Variants in SPOCD1 observed in about 807,000 individuals in gnomAD.
SPOCD1 encodes SPOC domain-containing protein 1.
In SPOCD1, 64 loss-of-function variants were observed where a neutral mutation model predicts 92.2. That is an observed-to-expected ratio of 0.69 (90% CI 0.57 to 0.86). The LOEUF (loss-of-function observed/expected upper bound fraction) is 0.86. SPOCD1 is among the 40% of genes least tolerant of loss of function. The pLI, the probability that SPOCD1 is intolerant of heterozygous loss-of-function variation, is 0.00. For missense variants in SPOCD1, 1,360 were observed against 1,543.1 expected (o/e 0.88, Z 1.99); for synonymous variants, 578 against 619.3 (o/e 0.93, Z 0.99).
At chr1:31,808,256 C>G (rs1648969651) in intron 2 of SPOCD1, among the ~76,000 whole-genome samples, 1 of 151,164 alleles carries the variant, frequency 6.6e-6, no homozygotes, top group Non-Finnish European at 1.5e-5. Context: ...ATTGAATTCA[C>G]AAAATACGAA....
At chr1:31,805,900 G>T (rs1408838658) in intron 2 of SPOCD1, among the ~76,000 whole-genome samples, 2 of 151,882 alleles carry the variant, frequency 1.3e-5, no homozygotes, top group Non-Finnish European at 2.9e-5. Flanking sequence ...TATGCAAAAA[G>T]GTTAAAATAA....
rs561056259 is a variant in SPOCD1 at position 31,799,887 on chromosome 1, G to A, written c.1729-24C>T. 487 of 1,614,144 alleles carry A rather than the reference G, an allele frequency of 3.0e-4. 5 individuals carry two copies. In the South Asian group the frequency reaches 5.1e-3, roughly 17 times the overall value. On this transcript the variant is annotated intron_variant, in intron 5 of 15. Coordinates refer to ENST00000360482, the MANE Select transcript of SPOCD1 (RefSeq NM_144569.7). ...CTCTGTAGGGGAGGCGTGAGGAATT[G>A]AGGCTGTGCTGGTGGGCCTGGCTTC...
chr1:31,796,071 A>G, intron 10 of SPOCD1: 15 of 209,984 alleles, frequency 7.1e-5, no homozygotes, highest in South Asian at 3.9e-4. Context: ...GCAGATCCTC[A>G]GCGCCAAGAG....
At chr1:31,813,767 G>A (rs1255666787) in intron 2 of SPOCD1, among the ~76,000 whole-genome samples, 184 bp downstream of exon 2, 1 of 152,218 alleles carries the variant, frequency 6.6e-6, no homozygotes, top group Non-Finnish European at 1.5e-5. Context: ...CAAGGATTCA[G>A]CGAATGTAGT....
chr1:31,797,624 C>T (rs1648116715), intron 9 of SPOCD1, among the ~76,000 whole-genome samples: 1 of 152,212 alleles, frequency 6.6e-6, no homozygotes, highest in African/African-American at 2.4e-5. Flanking sequence ...TCGCCCCATC[C>T]CAGTGGCCTC....
rs1264706133 is a variant in SPOCD1, at chr1:31,815,132, C to T, written c.202G>A (p.Gly68Ser). The change falls in exon 2 of 16, where the codon GGC becomes AGC. Residue 68 changes from glycine (G) to serine (S), a missense_variant. Transcript: ENST00000360482. ...GCAGCACCTGCAGCCCGGGAGCTGC[C>T]ACCTCGAAGGGCCTCCTTCCTGGGG... ...KIPRKEALRGGSSRAAGAAEV... is the reference protein window; with the variant it reads ...KIPRKEALRGSSSRAAGAAEV... The T allele has an allele frequency of 6.2e-7, 1 of 1,608,858 alleles. No homozygotes were observed. The highest frequency in any genetic ancestry group is 1.1e-5 in the South Asian group (1 of 91,000).
intron 2 of SPOCD1, among the ~76,000 whole-genome samples, chr1:31,808,195 TCA>T (rs1648965549): frequency 6.6e-6 from 1 of 152,024 alleles, no homozygotes; most frequent in Non-Finnish European, 1.5e-5. Flanking sequence ...ATAGAACAAA[TCA>T]TTTCAGGCCA....
chr1:31,792,324 A>C lies in SPOCD1; in HGVS notation c.2853T>G (p.Asn951Lys), dbSNP rs751080434. 1 of 1,613,986 alleles carries C rather than the reference A, an allele frequency of 6.2e-7. No homozygotes were observed. Among genetic ancestry groups the C allele is most frequent in the South Asian group, 1.1e-5 (1 of 91,060 alleles). ...AGGCCAGCCCGTGGCGCTGCCTATC[A>C]TTGAGGTATGAGTAGAGCAGGCGGC... ...QNCRLLYSYLNDRQRHGLASV... is the reference protein window; with the variant it reads ...QNCRLLYSYLKDRQRHGLASV... The change falls in exon 15 of 16, where the codon AAT (asparagine) becomes AAG (lysine). Residue 951 changes from asparagine (N) to lysine (K), a missense_variant. Coordinates refer to ENST00000360482, the MANE Select transcript of SPOCD1 (RefSeq NM_144569.7).
At chr1:31,793,035 G>A (rs78851326) in intron 13 of SPOCD1, among the ~76,000 whole-genome samples, 4,899 of 152,252 alleles carry the variant, frequency 0.032, 93 homozygotes, top group Middle Eastern at 0.048. Flanking sequence ...GTCACTCAAC[G>A]ATCACTCCTA....
rs1648226536 is a variant in SPOCD1 at position 31,798,922 on chromosome 1, G to A, written c.1869-321C>T. On this transcript the variant is annotated intron_variant, in intron 7 of 15. Transcript: ENST00000360482. This position sits in a 1 kb window ranked among gnomAD's most constrained non-coding sequence, Gnocchi z 4.1. ...GCCCCGTCTCTGGCTCACGGGATGTGTGGAGGGGAGGAAGCCGGGGTCAGG... is the reference window on the plus strand; with the variant it reads ...GCCCCGTCTCTGGCTCACGGGATGTATGGAGGGGAGGAAGCCGGGGTCAGG... 2 of 562,078 alleles carry A rather than the reference G, an allele frequency of 3.6e-6. No individual in the cohort carries two copies. The highest frequency in any genetic ancestry group is 3.8e-5 in the African/African-American group (2 of 52,968). The allele number at this position is 562,078 out of a possible 1,614,324, so 34.8% of individuals were successfully genotyped here. A position where few individuals can be genotyped will look rare whatever the true frequency, so the allele number is the denominator to read the frequency against.
At chr1:31,799,681 G>T in intron 6 of SPOCD1, 128 bp downstream of exon 6, 1 of 1,274,952 alleles carries the variant, frequency 7.8e-7, no homozygotes, top group Non-Finnish European at 1.1e-6. Context: ...TTGGGGAGGA[G>T]CTATAGGCTG....
At chr1:31,792,476 A>T in intron 14 of SPOCD1, 75 bp from the exon 15 acceptor site, 1 of 1,450,104 alleles carries the variant, frequency 6.9e-7, no homozygotes, top group Non-Finnish European at 9.4e-7. Context: ...GCTCCCTGAA[A>T]CCCCTGAGAA....
intron 9 of SPOCD1, among the ~76,000 whole-genome samples, chr1:31,797,410 C>T (rs528137092): frequency 3.9e-5 from 6 of 152,374 alleles, no homozygotes; most frequent in African/African-American, 1.4e-4. Flanking sequence ...TTGTTGTCAC[C>T]TTGAAATTCT....
Position 31,815,941 on chromosome 1 carries a change from A to C in SPOCD1, c.-40+20T>G, listed in dbSNP as rs1007678385. The C allele has an allele frequency of 7.4e-6, 1 of 135,208 alleles. No individual in the cohort carries two copies. The highest frequency in any genetic ancestry group is 1.6e-5 in the Non-Finnish European group (1 of 61,262). The allele number at this position is 135,208 out of a possible 1,614,324, so 8.4% of individuals were successfully genotyped here. A position where few individuals can be genotyped will look rare whatever the true frequency, so the allele number is the denominator to read the frequency against. On this transcript the variant is annotated intron_variant, in intron 1 of 15. Coordinates refer to ENST00000360482, the MANE Select transcript of SPOCD1 (RefSeq NM_144569.7). ...CCAGCATCCAAGAAATCCGGGCCCC[A>C]TCGGTCGCGTCGCTCTCACCTGGGC... is the stretch of plus-strand genomic sequence containing the variant.
chr1:31,807,861 C>G (rs1648938698), intron 2 of SPOCD1, among the ~76,000 whole-genome samples: 1 of 152,044 alleles, frequency 6.6e-6, no homozygotes, highest in South Asian at 2.1e-4. Flanking sequence ...ATACTGTATG[C>G]CAACATGCCA....
chr1:31,791,715 G>C (rs1001844722), intron 15 of SPOCD1, among the ~76,000 whole-genome samples: 1 of 151,968 alleles, frequency 6.6e-6, no homozygotes, highest in African/African-American at 2.4e-5. Context: ...GTGTGTGTAG[G>C]TCCTGACTCT....
chr1:31,790,755 G>A lies in SPOCD1; in HGVS notation c.3499C>T (p.Leu1167=). Residue 1167 remains leucine (L), a synonymous_variant, in exon 16 of 16, where the codon CTG becomes TTG. Coordinates refer to ENST00000360482, the MANE Select transcript of SPOCD1 (RefSeq NM_144569.7). ...ATMSHQLQAL[L]CPQTKSSIPR... ...ATGGAGCTCTTGGTCTGGGGGCACA[G>A]TAAGGCTTGGAGCTGGTGACTCATG... 2 of 1,552,088 alleles carry A rather than the reference G, an allele frequency of 1.3e-6. No individual in the cohort carries two copies. Among genetic ancestry groups the A allele is most frequent in the Non-Finnish European group, 1.7e-6 (2 of 1,147,140 alleles).
At chr1:31,806,079 T>C (rs1038446020) in intron 2 of SPOCD1, among the ~76,000 whole-genome samples, 1 of 151,584 alleles carries the variant, frequency 6.6e-6, no homozygotes, top group African/African-American at 2.4e-5. Flanking sequence ...TCTAAACTTA[T>C]AAGCATCTAA....
chr1:31,811,620 C>G (rs553261724), intron 2 of SPOCD1, among the ~76,000 whole-genome samples: 10 of 152,330 alleles, frequency 6.6e-5, no homozygotes, highest in Non-Finnish European at 1.3e-4. Flanking sequence ...TGCCACAAGC[C>G]AGGCTGTCTC....
Sources: allele counts gnomAD v4.1 joint callset (sites outside exome capture counted in the v4.1 genomes callset), GRCh38; gene constraint gnomAD v4.1.1; non-coding constraint Gnocchi (gnomAD v3.1); transcripts MANE v1.5; gene names NCBI Gene and HGNC (gene_info 2026-07-23, HGNC 2026-07-21).